Variants in OTOF observed in about 807,000 individuals in gnomAD.
The protein encoded by OTOF is otoferlin.
A neutral mutation model predicts 236.8 loss-of-function variants in OTOF; 218 were observed. That is an observed-to-expected ratio of 0.92 (90% CI 0.82 to 1.03). The LOEUF (loss-of-function observed/expected upper bound fraction) is 1.03. OTOF is among the 50% of genes least tolerant of loss of function. The probability of loss-of-function intolerance (pLI) is 0.00; values close to 1 mark genes in which losing one functional copy is unlikely to be tolerated. For synonymous variants in OTOF, 1,041 were observed against 1,072.5 expected (o/e 0.97, Z 0.57); for missense variants, 2,590 against 2,694.4 (o/e 0.96, Z 0.86).
At chr2:26,508,581 C>G (rs1484426174) in intron 5 of OTOF, among the ~76,000 whole-genome samples, 2 of 152,204 alleles carry the variant, frequency 1.3e-5, no homozygotes, top group Non-Finnish European at 2.9e-5. Flanking sequence ...GGCGGCCCAG[C>G]CCTTTGCAAG....
intron 5 of OTOF, among the ~76,000 whole-genome samples, chr2:26,513,459 C>T (rs927034882): frequency 6.6e-6 from 1 of 152,116 alleles, no homozygotes; most frequent in African/African-American, 2.4e-5. Flanking sequence ...TGCCCGGGGC[C>T]TGTCTGGGCT....
rs1664438081 is a variant in OTOF at position 26,460,996 on chromosome 2, C to T, written c.5568G>A (p.Arg1856=). The part of the protein sequence containing the change: ...AIELDLNRFP[R]GAKTAKQCTM... ...TGCACTGCTTGGCTGTCTTTGCGCC[C>T]CGCGGGAACCGGTTCAGGTCCAGCT... Residue 1856 remains arginine, a synonymous_variant, in exon 44 of 47, where the codon CGG becomes CGA. Transcript: ENST00000272371. The surrounding 1 kb of genome is among the most constrained non-coding windows in gnomAD (Gnocchi z 5.3). The T allele has an allele frequency of 6.2e-7, 1 of 1,610,458 alleles. No homozygotes were observed. The highest frequency in any genetic ancestry group is 8.5e-7 in the Non-Finnish European group (1 of 1,178,208).
In OTOF at chr2:26,460,623, G is replaced by T. The variant is rs533677507; in HGVS notation, c.5813+24C>A. On this transcript the variant is annotated intron_variant, in intron 45 of 46. Transcript: ENST00000272371. This position sits in a 1 kb window ranked among gnomAD's most constrained non-coding sequence, Gnocchi z 5.3. ...CGCCTCCAAGAGCCAGAGTGGGGAG[G>T]GGCTGGGCCGGCAGGGCACTCACTT... 4.0e-5 allele frequency: 63 copies of T among 1,585,706 alleles called. 2 individuals carry two copies. The South Asian group carries it at 6.8e-4, about 17-fold the overall frequency.
intron 3 of OTOF, among the ~76,000 whole-genome samples, chr2:26,525,055 T>C (rs2148110077): frequency 6.6e-6 from 1 of 152,326 alleles, no homozygotes; most frequent in East Asian, 1.9e-4. Flanking sequence ...ACCCTCATGG[T>C]ATCTCACCCC....
intron 8 of OTOF, among the ~76,000 whole-genome samples, chr2:26,498,007 T>G (rs977808365): frequency 6.6e-6 from 1 of 152,170 alleles, no homozygotes; most frequent in Non-Finnish European, 1.5e-5. Flanking sequence ...TTTCTATAAC[T>G]CAGGACTGGG....
chr2:26,536,658 C>T (rs982128504), intron 2 of OTOF, among the ~76,000 whole-genome samples: 2 of 152,136 alleles, frequency 1.3e-5, no homozygotes, highest in African/African-American at 2.4e-5. Flanking sequence ...CAGCAGCCAA[C>T]CTCAAGAGGC....
intron 3 of OTOF, among the ~76,000 whole-genome samples, chr2:26,521,251 C>T (rs543965101): frequency 6.6e-6 from 1 of 152,320 alleles, no homozygotes. Context: ...TGCCTTGATT[C>T]CCCTAGGACC....
Position 26,495,036 on chromosome 2 carries a change from C to A in OTOF, c.803G>T (p.Gly268Val). The stretch of plus-strand genomic sequence containing the variant: ...GCACACCACAGGGTCCATGTTCAAG[C>A]CCACCAGCTGCCGGGCCTCGATCAC... ...ITVIEARQLV[G>V]LNMDPVVCVE... Residue 268 changes from glycine to valine, a missense_variant, in exon 9 of 47, where the codon GGC becomes GTC. By Grantham distance (109) the Gly-to-Val change is moderately radical. Transcript: ENST00000272371. 6.2e-7 allele frequency: 1 copy of A among 1,614,164 alleles called. No homozygotes were observed. The highest frequency in any genetic ancestry group is 8.5e-7 in the Non-Finnish European group (1 of 1,179,988).
chr2:26,487,908 G>A (rs1175316441), intron 11 of OTOF, among the ~76,000 whole-genome samples: 1 of 152,224 alleles, frequency 6.6e-6, no homozygotes, highest in African/African-American at 2.4e-5. Context: ...GTGGGGTGGT[G>A]GCAAAGGCAC....
In OTOF at chr2:26,476,004, G is replaced by C; in HGVS notation, c.2901C>G (p.Tyr967Ter). The C allele has an allele frequency of 6.2e-7, 1 of 1,612,688 alleles. No homozygotes were observed. The highest frequency in any genetic ancestry group is 1.1e-5 in the South Asian group (1 of 91,020). Reference protein sequence around the residue: ...KQAFQLRAHMYQARSLFAADS... With the variant: ...KQAFQLRAHM ...CGGCGGCAAAGAGGCTGCGGGCCTGGTACATGTGCGCTCGGAGCTGGAACG... is the reference window on the plus strand; with the variant it reads ...CGGCGGCAAAGAGGCTGCGGGCCTGCTACATGTGCGCTCGGAGCTGGAACG... The change falls in exon 24 of 47, where the codon TAC becomes TAG. Residue 967 changes from tyrosine to a stop codon, truncating the protein, a stop_gained. Transcript: ENST00000272371. LOFTEE classifies it high-confidence loss of function.
intron 5 of OTOF, among the ~76,000 whole-genome samples, chr2:26,506,131 G>T (rs1558504447): frequency 6.6e-6 from 1 of 152,180 alleles, no homozygotes; most frequent in African/African-American, 2.4e-5. Context: ...CCCTGCCATA[G>T]GCCCAGCTTC....
chr2:26,480,045 C>A (rs1331468254), intron 16 of OTOF, among the ~76,000 whole-genome samples, 158 bp downstream of exon 16: 1 of 152,250 alleles, frequency 6.6e-6, no homozygotes, highest in Non-Finnish European at 1.5e-5. Context: ...TTTGTGGGTG[C>A]TTGAGGCCTC....
chr2:26,535,431 G>A (rs1049854554), intron 2 of OTOF, among the ~76,000 whole-genome samples: 29 of 152,150 alleles, frequency 1.9e-4, no homozygotes, highest in Non-Finnish European at 3.8e-4. Context: ...GCTCCCAGGT[G>A]GGAAGTGCGG....
intron 12 of OTOF, 50 bp from the exon 13 acceptor site, chr2:26,483,698 C>T (rs757456658): frequency 6.4e-7 from 1 of 1,553,768 alleles, no homozygotes; most frequent in Non-Finnish European, 8.8e-7. Context: ...AGGTCCCCAA[C>T]CCCCATCCTG....
intron 29 of OTOF, among the ~76,000 whole-genome samples, chr2:26,472,931 T>C (rs1171556925): frequency 6.6e-6 from 1 of 152,178 alleles, no homozygotes; most frequent in Non-Finnish European, 1.5e-5. Context: ...CCCCAGGCTG[T>C]CTCCAGTTCT....
chr2:26,510,793 GGGGCT>G (rs1666366764), intron 5 of OTOF: 1 of 1,243,830 alleles, frequency 8.0e-7, no homozygotes, highest in Admixed American at 2.3e-5. Flanking sequence ...ACACGTGTGA[GGGGCT>G]GTGGACCAGA....
Position 26,480,982 on chromosome 2 carries a change from C to T in OTOF, c.1607G>A (p.Trp536Ter), listed in dbSNP as rs397515584. 6.2e-7 allele frequency: 1 copy of T among 1,610,992 alleles called. No individual in the cohort carries two copies. Among genetic ancestry groups the T allele is most frequent in the South Asian group, 1.1e-5 (1 of 90,984 alleles). Residue 536 changes from tryptophan (W) to a stop codon, truncating the protein, a stop_gained, in exon 15 of 47, where the codon TGG becomes TAG. Coordinates refer to ENST00000272371, the MANE Select transcript of OTOF (RefSeq NM_194248.3). LOFTEE classifies it high-confidence loss of function. ...ACGTGTGGAGCCGTACATGTTCACC[C>T]AGGCTGGGCCCAGTGTGGGCAGGAA... is the stretch of plus-strand genomic sequence containing the variant. ...KGFLPTLGPA[W>*]VNMYGSTRNY...
chr2:26,483,348 C>G, intron 13 of OTOF, 114 bp downstream of exon 13: 1 of 992,218 alleles, frequency 1.0e-6, no homozygotes, highest in South Asian at 1.3e-5. Context: ...CCCTGGCCAA[C>G]ATGATTTCCA....
At position 26,489,715 on chromosome 2, in the gene OTOF, G is replaced by A. The variant is rs1247547429; in HGVS notation, c.923C>T (p.Ser308Phe). ...NEYFVFDFHV[S>F]PDVMFDKIIK... The stretch of plus-strand genomic sequence containing the variant: ...GATCTTGTCAAACATGACATCCGGA[G>A]AGACATGGAAGTCGAAGACGAAGTA... The change falls in exon 10 of 47, where the codon TCT becomes TTT. Residue 308 changes from serine to phenylalanine, a missense_variant. This residue lies in a region of OTOF where 1,379 missense variants were observed against 1,341.6 expected (regional missense o/e 1.03). Transcript: ENST00000272371. 4 of 1,613,048 alleles carry A rather than the reference G, an allele frequency of 2.5e-6. No homozygotes were observed. Among genetic ancestry groups the A allele is most frequent in the South Asian group, 2.2e-5 (2 of 91,080 alleles).
Sources: allele counts gnomAD v4.1 joint callset (sites outside exome capture counted in the v4.1 genomes callset), GRCh38; gene constraint gnomAD v4.1.1; regional missense constraint gnomAD v4.1.1; non-coding constraint Gnocchi (gnomAD v3.1); transcripts MANE v1.5; gene names NCBI Gene and HGNC (gene_info 2026-07-23, HGNC 2026-07-21).